The following CYRIB variants were observed in gnomAD, a reference collection of about 807,000 sequenced individuals.
CYRIB encodes the protein CYFIP-related Rac1 interactor B.
In CYRIB, 8 loss-of-function variants were observed where a neutral mutation model predicts 44.2. The observed-to-expected ratio is 0.18, with a 90% CI of 0.11 to 0.33. The LOEUF (loss-of-function observed/expected upper bound fraction) is 0.33, where lower values mean the gene tolerates loss of function less well. Among genes scored for constraint, CYRIB ranks in the 10% least tolerant of loss-of-function variants. The pLI, the probability that CYRIB is intolerant of heterozygous loss-of-function variation, is 1.00. For synonymous variants in CYRIB, 131 were observed against 127.2 expected (o/e 1.03, Z -0.20); for missense variants, 185 against 382.8 (o/e 0.48, Z 4.31).
intron 2 of CYRIB, among the ~76,000 whole-genome samples, chr8:129,893,790 C>T (rs1440412177): frequency 6.6e-6 from 1 of 151,050 alleles, no homozygotes; most frequent in African/African-American, 2.4e-5. Context: ...CCACCTCTGA[C>T]TTCAAGTGCT....
intron 4 of CYRIB, among the ~76,000 whole-genome samples, chr8:129,870,165 T>C (rs1024709533): frequency 5.9e-5 from 9 of 152,088 alleles, no homozygotes; most frequent in Admixed American, 5.2e-4. Flanking sequence ...TTCCAACACT[T>C]TGGGAGGCCA....
intron 2 of CYRIB, among the ~76,000 whole-genome samples, chr8:129,969,904 T>C (rs1419176924): frequency 1.3e-5 from 2 of 152,210 alleles, no homozygotes; most frequent in Non-Finnish European, 2.9e-5. Flanking sequence ...CAGGATCACC[T>C]ACACTATTTA....
chr8:129,930,690 C>A (rs1016564646), intron 1 of CYRIB, among the ~76,000 whole-genome samples: 1 of 152,046 alleles, frequency 6.6e-6, no homozygotes, highest in African/African-American at 2.4e-5. Context: ...ACTGCTTCAA[C>A]ATACTGTTCT....
chr8:129,997,328 C>CA, intron 1 of CYRIB, among the ~76,000 whole-genome samples: 1 of 152,304 alleles, frequency 6.6e-6, no homozygotes, highest in South Asian at 2.1e-4. Flanking sequence ...AGAAGAGAAA[C>CA]AGACAGAATG....
chr8:129,860,093 G>C (rs549400974), intron 5 of CYRIB, among the ~76,000 whole-genome samples: 1 of 152,280 alleles, frequency 6.6e-6, no homozygotes, highest in East Asian at 1.9e-4. Flanking sequence ...CCTTAGAACT[G>C]CAAGATTCTG....
intron 5 of CYRIB, among the ~76,000 whole-genome samples, chr8:129,860,516 T>TAA (rs2048802028): frequency 6.6e-6 from 1 of 152,234 alleles, no homozygotes; most frequent in Admixed American, 6.5e-5. Flanking sequence ...TTACAATTCT[T>TAA]ATTTCCAGTA....
chr8:129,922,811 C>T (rs1232020242), intron 1 of CYRIB, among the ~76,000 whole-genome samples: 2 of 150,274 alleles, frequency 1.3e-5, no homozygotes, highest in Non-Finnish European at 3.0e-5. Flanking sequence ...TGCAGTGAGC[C>T]GAGATCGCAC....
At chr8:129,846,999 T>C (rs1312997238) in intron 10 of CYRIB, 125 bp from the exon 13 acceptor site, 1 of 565,968 alleles carries the variant, frequency 1.8e-6, no homozygotes, top group Non-Finnish European at 3.0e-6. Flanking sequence ...TATGTCAAAT[T>C]AATTATTCTT....
At chr8:129,941,929 A>G (rs2093739107), upstream of CYRIB, among the ~76,000 whole-genome samples, 1 of 152,242 alleles carries the variant, frequency 6.6e-6, no homozygotes, top group Non-Finnish European at 1.5e-5. Context: ...CAAAAATCTG[A>G]TGCACAACAA....
intron 1 of CYRIB, among the ~76,000 whole-genome samples, chr8:129,913,215 C>A (rs911815758): frequency 6.6e-6 from 1 of 152,194 alleles, no homozygotes; most frequent in Non-Finnish European, 1.5e-5. Context: ...TCATGATCCA[C>A]CTGCCTCAGC....
chr8:129,926,492 C>T (rs1008761614), intron 1 of CYRIB, among the ~76,000 whole-genome samples: 1 of 152,096 alleles, frequency 6.6e-6, no homozygotes, highest in Non-Finnish European at 1.5e-5. Context: ...GTGTAATCTA[C>T]AGTCTCCTAG....
At chr8:129,970,173 TAAA>T (rs1264523733) in intron 2 of CYRIB, among the ~76,000 whole-genome samples, 1 of 152,226 alleles carries the variant, frequency 6.6e-6, no homozygotes, top group Non-Finnish European at 1.5e-5. Context: ...ATAGCTCGAT[TAAA>T]ATAAAAGTTA....
At chr8:129,987,945 A>C (rs1320962403) in intron 1 of CYRIB, among the ~76,000 whole-genome samples, 1 of 151,824 alleles carries the variant, frequency 6.6e-6, no homozygotes, top group Non-Finnish European at 1.5e-5. Context: ...CCTTTAATAC[A>C]CCTTACAAAG....
intron 9 of CYRIB, 193 bp from the exon 12 acceptor site, chr8:129,849,562 C>T: frequency 8.4e-6 from 4 of 474,604 alleles, no homozygotes; most frequent in Non-Finnish European, 1.4e-5. Context: ...AATCAACCCC[C>T]TGAAAGGGAT....
chr8:129,872,003 T>C (rs550379034), intron 3 of CYRIB, among the ~76,000 whole-genome samples: 36 of 152,292 alleles, frequency 2.4e-4, no homozygotes, highest in African/African-American at 8.7e-4. Context: ...AAAACTTTAA[T>C]AGTTTTTAGG....
At chr8:129,999,381 T>C (rs1204620351) in intron 1 of CYRIB, among the ~76,000 whole-genome samples, 1 of 152,198 alleles carries the variant, frequency 6.6e-6, no homozygotes, top group Non-Finnish European at 1.5e-5. Flanking sequence ...ACAAGTGACA[T>C]GACCCCCCAG....
chr8:129,958,363 C>T (rs950343367), intron 2 of CYRIB, among the ~76,000 whole-genome samples: 1 of 152,156 alleles, frequency 6.6e-6, no homozygotes, highest in African/African-American at 2.4e-5. Flanking sequence ...CCTGATCTGT[C>T]GGATGTTACG....
At chr8:129,982,644 A>T (rs1012908328) in intron 1 of CYRIB, among the ~76,000 whole-genome samples, 1 of 152,230 alleles carries the variant, frequency 6.6e-6, no homozygotes, top group African/African-American at 2.4e-5. Flanking sequence ...TGGAAAGTGA[A>T]ATGACTGGCC....
intron 1 of CYRIB, among the ~76,000 whole-genome samples, chr8:129,973,235 G>A (rs994018060): frequency 1.3e-5 from 2 of 152,200 alleles, no homozygotes; most frequent in African/African-American, 4.8e-5. Flanking sequence ...ATGGATAATC[G>A]AAGAAAGACT....
Sources: allele counts gnomAD v4.1 joint callset (sites outside exome capture counted in the v4.1 genomes callset), GRCh38; gene constraint gnomAD v4.1.1; transcripts MANE v1.5; gene names NCBI Gene and HGNC (gene_info 2026-07-23, HGNC 2026-07-21).